The following HPSE2 variants were observed in gnomAD, a reference collection of about 807,000 sequenced individuals.
The protein encoded by HPSE2 is inactive heparanase-2.
Under a neutral mutation model 60.5 loss-of-function variants are expected in HPSE2, and 38 were observed. That is an observed-to-expected ratio of 0.63 (90% CI 0.48 to 0.82). The LOEUF is 0.82. Ranked by LOEUF, HPSE2 falls within the 40% of genes least tolerant of loss-of-function variation. The pLI is 0.00. For missense variants in HPSE2, 713 were observed against 740.4 expected (o/e 0.96, Z 0.43); for synonymous variants, 295 against 293.2 (o/e 1.01, Z -0.06).
At chr10:99,187,333 T>A (rs1848065698) in intron 2 of HPSE2, among the ~76,000 whole-genome samples, 1 of 152,158 alleles carries the variant, frequency 6.6e-6, no homozygotes, top group South Asian at 2.1e-4. Context: ...AGAAGACTGG[T>A]TATTTTAAAA....
At chr10:99,148,539 C>T (rs571408723) in intron 2 of HPSE2, among the ~76,000 whole-genome samples, 1 of 152,142 alleles carries the variant, frequency 6.6e-6, no homozygotes, top group South Asian at 2.1e-4. Flanking sequence ...GCCTGTAATC[C>T]CAGCACTTTG....
intron 6 of HPSE2, among the ~76,000 whole-genome samples, chr10:98,647,701 C>T (rs148323597): frequency 6.4e-4 from 97 of 152,342 alleles, no homozygotes; most frequent in African/African-American, 2.1e-3. Flanking sequence ...TCCAAAGGCC[C>T]TCAGCCTGGG....
At chr10:98,869,238 T>G (rs1451880087) in intron 3 of HPSE2, among the ~76,000 whole-genome samples, 1 of 152,162 alleles carries the variant, frequency 6.6e-6, no homozygotes, top group Non-Finnish European at 1.5e-5. Flanking sequence ...CTCCTTGTAG[T>G]TTGTCATGAT....
At chr10:98,626,489 C>T (rs756813660) in intron 7 of HPSE2, among the ~76,000 whole-genome samples, 4 of 152,080 alleles carry the variant, frequency 2.6e-5, no homozygotes, top group Non-Finnish European at 5.9e-5. Flanking sequence ...GAGAACCAGC[C>T]ATGGACAGGT....
chr10:98,957,541 TA>T (rs1955540696), intron 3 of HPSE2, among the ~76,000 whole-genome samples: 1 of 152,186 alleles, frequency 6.6e-6, no homozygotes, highest in Non-Finnish European at 1.5e-5. Flanking sequence ...CCCATTATGA[TA>T]GGAAGGGTAA....
intron 2 of HPSE2, among the ~76,000 whole-genome samples, chr10:99,202,395 G>A (rs138265856): frequency 3.3e-5 from 5 of 152,278 alleles, no homozygotes; most frequent in Middle Eastern, 3.4e-3. Flanking sequence ...AACTAAAAAT[G>A]ATGATACTTT....
At chr10:98,660,780 T>C (rs766478478) in intron 6 of HPSE2, among the ~76,000 whole-genome samples, 1 of 152,188 alleles carries the variant, frequency 6.6e-6, no homozygotes, top group Non-Finnish European at 1.5e-5. Context: ...CATATGGTCA[T>C]GGCATTTGGT....
intron 3 of HPSE2, among the ~76,000 whole-genome samples, chr10:98,878,386 G>A (rs1275321783): frequency 6.6e-6 from 1 of 151,962 alleles, no homozygotes; most frequent in Admixed American, 6.6e-5. Context: ...TGCATTGATT[G>A]TTCTAAGTGC....
At chr10:98,999,192 T>TGTGC (rs978792816) in intron 3 of HPSE2, among the ~76,000 whole-genome samples, 9 of 151,514 alleles carry the variant, frequency 5.9e-5, no homozygotes, top group Non-Finnish European at 8.8e-5. Flanking sequence ...TGTGTGTGTG[T>TGTGC]GTGCATGTGT....
At chr10:99,159,887 T>C (rs1230938869) in intron 2 of HPSE2, among the ~76,000 whole-genome samples, 4 of 152,198 alleles carry the variant, frequency 2.6e-5, no homozygotes, top group Non-Finnish European at 4.4e-5. Flanking sequence ...ACATCTGTAA[T>C]GCCAGCATTT....
intron 4 of HPSE2, among the ~76,000 whole-genome samples, chr10:98,733,421 C>T (rs1363385775): frequency 6.6e-6 from 1 of 152,120 alleles, no homozygotes; most frequent in Non-Finnish European, 1.5e-5. Flanking sequence ...CATGACTGGC[C>T]TGTTATTTAC....
chr10:98,596,873 GT>G (rs879353872), intron 9 of HPSE2, among the ~76,000 whole-genome samples: 2 of 152,040 alleles, frequency 1.3e-5, no homozygotes, highest in Admixed American at 6.5e-5. Context: ...GTATTAATTC[GT>G]TCTCATACTG....
At chr10:98,981,084 T>C (rs1395972390) in intron 3 of HPSE2, among the ~76,000 whole-genome samples, 1 of 152,144 alleles carries the variant, frequency 6.6e-6, no homozygotes, top group East Asian at 1.9e-4. Context: ...AGATGAAATA[T>C]CAAGAGAAAA....
intron 3 of HPSE2, among the ~76,000 whole-genome samples, chr10:98,954,186 T>C (rs1032061631): frequency 6.6e-6 from 1 of 152,124 alleles, no homozygotes; most frequent in Non-Finnish European, 1.5e-5. Flanking sequence ...CGTATGCCTG[T>C]AGTCCCAGCT....
chr10:99,292,834 T>C, the HPSE2 span, among the ~76,000 whole-genome samples: 1 of 152,166 alleles, frequency 6.6e-6, no homozygotes, highest in Non-Finnish European at 1.5e-5. Context: ...ACAAACCACA[T>C]GTGAGCTACC....
intron 6 of HPSE2, among the ~76,000 whole-genome samples, chr10:98,671,557 C>T (rs145873487): frequency 6.6e-6 from 1 of 152,222 alleles, no homozygotes; most frequent in Non-Finnish European, 1.5e-5. Context: ...CAAATAATAA[C>T]TCTAGGTGAA....
the HPSE2 span, among the ~76,000 whole-genome samples, chr10:99,279,608 T>A: frequency 6.6e-6 from 1 of 152,230 alleles, no homozygotes. Flanking sequence ...ATTTAATGCA[T>A]GGAACAACTC....
chr10:98,736,826 G>A (rs903840495), intron 4 of HPSE2, among the ~76,000 whole-genome samples: 3 of 152,178 alleles, frequency 2.0e-5, no homozygotes, highest in African/African-American at 7.2e-5. Context: ...AAGCTATAAA[G>A]TAGTGGCCAG....
chr10:99,019,676 G>A (rs1259770785), intron 3 of HPSE2, among the ~76,000 whole-genome samples: 1 of 151,606 alleles, frequency 6.6e-6, no homozygotes, highest in African/African-American at 2.4e-5. Context: ...ACAACGGCAG[G>A]TGTATTCCTT....
Sources: gnomAD v4.1 joint callset for allele counts (sites outside exome capture counted in the v4.1 genomes callset) on GRCh38, gnomAD v4.1.1 for gene constraint, MANE v1.5 for transcripts, NCBI Gene and HGNC (gene_info 2026-07-23, HGNC 2026-07-21) for gene names.